Variants in KLHL13 observed in about 807,000 individuals in gnomAD.
KLHL13 encodes kelch like family member 13.
A neutral mutation model predicts 37.1 loss-of-function variants in KLHL13; 10 were observed. The ratio of observed to expected loss-of-function variants is 0.27; its 90% CI spans 0.17 to 0.46. The LOEUF is 0.46. Ranked by LOEUF, KLHL13 falls within the 20% of genes least tolerant of loss-of-function variation. KLHL13 has a pLI of 1.00. For missense variants in KLHL13, 360 were observed against 509.3 expected (o/e 0.71, Z 2.82); for synonymous variants, 163 against 181.2 (o/e 0.90, Z 0.81).
chrX:117,927,493 T>C (rs1932143663), intron 2 of KLHL13, among the ~76,000 whole-genome samples: 1 of 112,235 alleles, frequency 8.9e-6, no homozygotes, highest in South Asian at 3.7e-4. Flanking sequence ...CCATGATAAC[T>C]GTGTGGCAGA....
At chrX:118,053,595 T>A (rs1271740543) in intron 1 of KLHL13, among the ~76,000 whole-genome samples, 2 of 109,919 alleles carry the variant, frequency 1.8e-5, no homozygotes, top group East Asian at 2.8e-4. Flanking sequence ...ACATATGTAA[T>A]AAACCTGCAC....
intron 2 of KLHL13, among the ~76,000 whole-genome samples, chrX:117,937,392 C>T (rs890448365): frequency 9.0e-6 from 1 of 111,397 alleles, no homozygotes; most frequent in African/African-American, 3.3e-5. Flanking sequence ...CTTCAAGTAA[C>T]ACAAAATTTC....
At chrX:118,074,256 G>T in intron 1 of KLHL13, among the ~76,000 whole-genome samples, 1 of 111,760 alleles carries the variant, frequency 8.9e-6, no homozygotes. Context: ...CCATAAATCT[G>T]TCAGCCCTTG....
chrX:118,025,240 T>C (rs2054262010), intron 1 of KLHL13, among the ~76,000 whole-genome samples: 1 of 111,791 alleles, frequency 8.9e-6, no homozygotes, highest in Admixed American at 9.6e-5. Flanking sequence ...AGTCCCTGCT[T>C]ATGCATGGTT....
intron 1 of KLHL13, among the ~76,000 whole-genome samples, chrX:118,089,620 G>GAGAAAGAAAGAAAGACAGAA (rs2055100509): frequency 1.4e-5 from 1 of 71,907 alleles, no homozygotes; most frequent in African/African-American, 5.8e-5. Flanking sequence ...GAGAAAGAAA[G>GAGAAAGAAAGAAAGACAGAA]AGAAAGAAAG....
rs546330138 is a variant in KLHL13 at position 117,944,462 on chromosome X, A to G, written c.240+972T>C. ...CAAGAGTCACATTTTGGAGATAAGG[A>G]AAATGAAATCCGGTGAAATTACATT... On this transcript the variant is annotated intron_variant, in intron 2 of 6. Coordinates refer to ENST00000262820, the Ensembl canonical transcript of KLHL13. 5.2e-4 allele frequency among the ~76,000 whole-genome samples: 58 copies of G among 111,666 alleles called. 1 individual carries two copies. The South Asian group carries it at 0.022, about 42-fold the overall frequency.
At chrX:118,081,987 T>A (rs754830360) in intron 1 of KLHL13, among the ~76,000 whole-genome samples, 2 of 108,296 alleles carry the variant, frequency 1.8e-5, no homozygotes, top group Non-Finnish European at 3.9e-5. Context: ...TATACATATA[T>A]CAGCTTTTCT....
At chrX:118,086,467 A>C (rs757945023) in intron 1 of KLHL13, among the ~76,000 whole-genome samples, 1 of 112,191 alleles carries the variant, frequency 8.9e-6, no homozygotes, top group African/African-American at 3.2e-5. Flanking sequence ...ATACTAAAAA[A>C]AAACACTGAT....
chrX:118,041,773 AT>A (rs1459279878), intron 1 of KLHL13, among the ~76,000 whole-genome samples: 3 of 111,597 alleles, frequency 2.7e-5, no homozygotes, highest in Non-Finnish European at 5.7e-5. Flanking sequence ...AGAGAAAATT[AT>A]TTTCACTAAA....
At position 117,924,055 on chromosome X, in the gene KLHL13, A is replaced by C. The variant is rs1023661810; in HGVS notation, c.241-3685T>G. ...TACAGTGTCCCTTTCTAAACATTTC[A>C]TAACCTTTATTTTTATATGCATAAA... On this transcript the variant is annotated intron_variant, in intron 2 of 6. Transcript: ENST00000262820. Among the ~76,000 whole-genome samples, 3 of 111,772 alleles carry C rather than the reference A, an allele frequency of 2.7e-5. No individual in the cohort carries two copies. In the Admixed American group the frequency reaches 2.8e-4, roughly 11 times the overall value.
chrX:118,055,079 T>C (rs970436441), intron 1 of KLHL13, among the ~76,000 whole-genome samples: 8 of 111,843 alleles, frequency 7.2e-5, no homozygotes, highest in African/African-American at 2.6e-4. Context: ...CTACTTTTAC[T>C]GTGCAAGGGA....
intron 1 of KLHL13, among the ~76,000 whole-genome samples, chrX:118,026,209 T>C (rs1177112173): frequency 8.9e-6 from 1 of 111,904 alleles, no homozygotes; most frequent in Non-Finnish European, 1.9e-5. Context: ...ATGCCTGTAT[T>C]TTAAAATACC....
At chrX:118,021,128 A>T (rs756681806) in intron 1 of KLHL13, among the ~76,000 whole-genome samples, 1 of 107,094 alleles carries the variant, frequency 9.3e-6, no homozygotes, top group African/African-American at 3.4e-5. Context: ...GTACCCTAAA[A>T]CTTAAAGTAT....
At chrX:118,021,435 T>C (rs992109619) in intron 1 of KLHL13, among the ~76,000 whole-genome samples, 3 of 107,731 alleles carry the variant, frequency 2.8e-5, no homozygotes, top group Non-Finnish European at 5.8e-5. Flanking sequence ...TTCCCCTTCC[T>C]GTGTCCAAGT....
chrX:118,046,698 T>G (rs995812045), intron 1 of KLHL13, among the ~76,000 whole-genome samples: 1 of 110,265 alleles, frequency 9.1e-6, no homozygotes, highest in African/African-American at 3.3e-5. Context: ...AAATTATAAA[T>G]AAATAAAAAG....
chrX:117,972,962 T>C (rs2053549084), exon 1 of KLHL13: 2 of 1,079,556 alleles, frequency 1.9e-6, no homozygotes, highest in Non-Finnish European at 2.4e-6. Flanking sequence ...GCCAGTGCCC[T>C]TAAACCGATG....
intron 1 of KLHL13, among the ~76,000 whole-genome samples, chrX:118,073,226 G>A (rs1276480563): frequency 9.0e-6 from 1 of 111,474 alleles, no homozygotes; most frequent in Non-Finnish European, 1.9e-5. Flanking sequence ...AAAATAAGGA[G>A]GTTTAATGGA....
intron 1 of KLHL13, among the ~76,000 whole-genome samples, chrX:117,965,174 C>A (rs1238550699): frequency 8.9e-6 from 1 of 111,790 alleles, no homozygotes; most frequent in Non-Finnish European, 1.9e-5. Flanking sequence ...CTGACTTCCA[C>A]AATGGTTGAA....
chrX:117,973,095 T>C, exon 1 of KLHL13: 2 of 992,564 alleles, frequency 2.0e-6, no homozygotes, highest in Non-Finnish European at 2.5e-6. Flanking sequence ...CTGCAGTATA[T>C]TTTTTTAGGA....
Sources: gnomAD v4.1 joint callset for allele counts (sites outside exome capture counted in the v4.1 genomes callset) on GRCh38, gnomAD v4.1.1 for gene constraint, MANE v1.5 for transcripts, NCBI Gene and HGNC (gene_info 2026-07-23, HGNC 2026-07-21) for gene names.